ERC2: variants seen among roughly 807,000 people sequenced by gnomAD.
The protein encoded by ERC2 is ELKS/RAB6-interacting/CAST family member 2.
ERC2 carries 42 observed loss-of-function variants against 114.8 expected under a neutral mutation model. That is an observed-to-expected ratio of 0.37 (90% CI 0.29 to 0.47). The LOEUF is 0.47. Among genes scored for constraint, ERC2 ranks in the 20% least tolerant of loss-of-function variants. The probability of loss-of-function intolerance (pLI) is 0.99; values close to 1 mark genes in which losing one functional copy is unlikely to be tolerated. For synonymous variants in ERC2, 454 were observed against 425.5 expected (o/e 1.07, Z -0.82); for missense variants, 939 against 1,150.7 (o/e 0.82, Z 2.66).
chr3:55,667,830 G>A (rs993951756), intron 17 of ERC2, among the ~76,000 whole-genome samples: 1 of 152,210 alleles, frequency 6.6e-6, no homozygotes, highest in African/African-American at 2.4e-5. Flanking sequence ...TGATGGAGCT[G>A]GAATTGAGAA....
At chr3:55,767,813 G>A (rs574404851) in intron 14 of ERC2, among the ~76,000 whole-genome samples, 14 of 152,270 alleles carry the variant, frequency 9.2e-5, no homozygotes, top group South Asian at 4.1e-4. Context: ...GAACGTTCTC[G>A]TTACTTATTC....
At chr3:55,986,379 A>T (rs2070635406) in intron 11 of ERC2, among the ~76,000 whole-genome samples, 1 of 152,204 alleles carries the variant, frequency 6.6e-6, no homozygotes, top group Non-Finnish European at 1.5e-5. Flanking sequence ...CTGAAATGGA[A>T]ACTACTAAGG....
At chr3:56,121,270 C>T (rs17235396) in intron 6 of ERC2, among the ~76,000 whole-genome samples, 17,479 of 152,100 alleles carry the variant, frequency 0.11, 1,145 homozygotes, top group Non-Finnish European at 0.14. Context: ...CTCGGTTCAT[C>T]GATCTTTCTG....
intron 14 of ERC2, among the ~76,000 whole-genome samples, chr3:55,849,146 A>T (rs1414124993): frequency 6.6e-6 from 1 of 152,212 alleles, no homozygotes; most frequent in East Asian, 1.9e-4. Context: ...ACTGAGGCCA[A>T]GAGATTCAGT....
At chr3:55,621,863 G>C (rs1425189900) in intron 17 of ERC2, among the ~76,000 whole-genome samples, 1 of 152,182 alleles carries the variant, frequency 6.6e-6, no homozygotes, top group Non-Finnish European at 1.5e-5. Flanking sequence ...TGCCAGGCAG[G>C]TGAGTGTTCC....
chr3:55,877,345 T>C (rs1241306705), intron 14 of ERC2, among the ~76,000 whole-genome samples: 1 of 152,140 alleles, frequency 6.6e-6, no homozygotes, highest in East Asian at 1.9e-4. Flanking sequence ...TGAAATCATC[T>C]GAGTCCACAG....
At chr3:56,382,861 A>C (rs2059801847) in intron 2 of ERC2, among the ~76,000 whole-genome samples, 1 of 152,126 alleles carries the variant, frequency 6.6e-6, no homozygotes, top group South Asian at 2.1e-4. Context: ...CTAATTAATC[A>C]TCTTCACTTG....
At chr3:55,837,284 A>G (rs887535921) in intron 14 of ERC2, among the ~76,000 whole-genome samples, 1 of 152,166 alleles carries the variant, frequency 6.6e-6, no homozygotes, top group African/African-American at 2.4e-5. Context: ...AAATCATGCC[A>G]CTATAAAGAC....
chr3:56,209,597 GT>G (rs1047085963), intron 3 of ERC2, among the ~76,000 whole-genome samples: 1 of 152,164 alleles, frequency 6.6e-6, no homozygotes, highest in African/African-American at 2.4e-5. Context: ...CCCATAAACT[GT>G]TTTGTTCCTC....
intron 2 of ERC2, among the ~76,000 whole-genome samples, chr3:56,364,654 A>T (rs533072976): frequency 6.6e-6 from 1 of 152,188 alleles, no homozygotes; most frequent in African/African-American, 2.4e-5. Context: ...ACATTTCCCA[A>T]ATTTTTATTA....
chr3:55,783,922 C>G (rs1481166286), intron 14 of ERC2, among the ~76,000 whole-genome samples: 1 of 152,138 alleles, frequency 6.6e-6, no homozygotes, highest in African/African-American at 2.4e-5. Context: ...CTCTATCTTT[C>G]ACCCCTAACT....
intron 17 of ERC2, among the ~76,000 whole-genome samples, chr3:55,529,137 C>G (rs369152040): frequency 5.7e-4 from 87 of 152,318 alleles, no homozygotes; most frequent in African/African-American, 2.0e-3. Flanking sequence ...GTCTCATTTA[C>G]TATCAATGCA....
rs577625989 is a variant in ERC2, at chr3:55,706,243, T to C, written c.2713-6731A>G. On this transcript the variant is annotated intron_variant, in intron 15 of 17. Coordinates refer to ENST00000288221, the MANE Select transcript of ERC2 (RefSeq NM_015576.3). The stretch of plus-strand genomic sequence containing the variant: ...TTTGACTATAGCAGAAAACTGCCCA[T>C]TGATGCACCCTTTGTTGGCCTTTTC... 2.3e-3 allele frequency among the ~76,000 whole-genome samples: 356 copies of C among 152,294 alleles called. 3 individuals are homozygous for C. Among genetic ancestry groups the C allele is most frequent in the Non-Finnish European group, 4.0e-3 (269 of 68,016 alleles).
intron 3 of ERC2, among the ~76,000 whole-genome samples, chr3:56,293,828 T>G (rs1458010090): frequency 6.6e-6 from 1 of 152,134 alleles, no homozygotes; most frequent in Non-Finnish European, 1.5e-5. Context: ...AAACCCAAGA[T>G]GAATTGTGTT....
chr3:56,367,885 A>T (rs2059210147), intron 2 of ERC2, among the ~76,000 whole-genome samples: 1 of 151,748 alleles, frequency 6.6e-6, no homozygotes, highest in Non-Finnish European at 1.5e-5. Context: ...AAAAACAAAA[A>T]CAAAAAAAGA....
chr3:55,698,870 G>C (rs2063075423), intron 16 of ERC2, among the ~76,000 whole-genome samples: 1 of 152,160 alleles, frequency 6.6e-6, no homozygotes, highest in African/African-American at 2.4e-5. Flanking sequence ...GTCAAGGGAG[G>C]AGATAGGGTC....
At chr3:56,236,177 T>C (rs904857251) in intron 3 of ERC2, among the ~76,000 whole-genome samples, 1 of 152,164 alleles carries the variant, frequency 6.6e-6, no homozygotes, top group Admixed American at 6.5e-5. Flanking sequence ...TTAGCTCACT[T>C]CATCTCTCCT....
At chr3:55,891,158 TG>T (rs1442943303) in intron 13 of ERC2, among the ~76,000 whole-genome samples, 3 of 152,184 alleles carry the variant, frequency 2.0e-5, no homozygotes. Context: ...GAATTGGGTG[TG>T]GCTTTGGCCA....
chr3:55,896,838 A>C (rs2149336257), intron 13 of ERC2, among the ~76,000 whole-genome samples: 1 of 152,364 alleles, frequency 6.6e-6, no homozygotes, highest in South Asian at 2.1e-4. Flanking sequence ...TTACAAAAAA[A>C]GAAAAAACCC....
Sources: allele counts gnomAD v4.1 joint callset (sites outside exome capture counted in the v4.1 genomes callset), GRCh38; gene constraint gnomAD v4.1.1; transcripts MANE v1.5; gene names NCBI Gene and HGNC (gene_info 2026-07-23, HGNC 2026-07-21).